CDH18: variants seen among roughly 807,000 people sequenced by gnomAD.
CDH18 encodes the protein cadherin 18.
A neutral mutation model predicts 67.9 loss-of-function variants in CDH18; 31 were observed. That is an observed-to-expected ratio of 0.46 (90% CI 0.34 to 0.62). CDH18 has a LOEUF of 0.62. Among genes scored for constraint, CDH18 ranks in the 20% least tolerant of loss-of-function variants. CDH18 has a pLI of 0.01. For synonymous variants in CDH18, 362 were observed against 347.2 expected (o/e 1.04, Z -0.48); for missense variants, 890 against 975.5 (o/e 0.91, Z 1.17).
At chr5:19,988,547 T>G (rs1399189944), upstream of CDH18, among the ~76,000 whole-genome samples, 1 of 152,112 alleles carries the variant, frequency 6.6e-6, no homozygotes, top group African/African-American at 2.4e-5. Flanking sequence ...CCAGATTTCT[T>G]GAAAAATGAC....
chr5:19,882,653 G>T (rs1420447580), intron 2 of CDH18, among the ~76,000 whole-genome samples: 2 of 152,050 alleles, frequency 1.3e-5, no homozygotes, highest in Admixed American at 1.3e-4. Context: ...TGCAGTGAAG[G>T]CATGGCATCA....
chr5:19,994,855 T>TATAGAGAGAGAGAGAGAGAG lies in CDH18; in HGVS notation c.-517-2842_-517-2841insCTCTCTCTCTCTCTCTCTAT, dbSNP rs760777430. 7.0e-4 allele frequency among the ~76,000 whole-genome samples: 47 copies of TATAGAGAGAGAGAGAGAGAG among 67,584 alleles called. 7 individuals are homozygous for TATAGAGAGAGAGAGAGAGAG. The highest frequency in any genetic ancestry group is 3.1e-3 in the African/African-American group (42 of 13,598). The allele number at this position is 67,584 out of a possible 152,430, so 44.3% of individuals were successfully genotyped here. ...ATATATATATATATATATATATATA[T>TATAGAGAGAGAGAGAGAGAG]AGAGAGAGAGAGAGAGAGAGAGATG... On this transcript the variant is annotated intron_variant, in intron 2 of 14. Coordinates refer to the CDH18 transcript ENST00000507958.
chr5:20,238,889 T>C (rs563104195), intron 2 of CDH18, among the ~76,000 whole-genome samples: 1 of 152,282 alleles, frequency 6.6e-6, no homozygotes, highest in East Asian at 1.9e-4. Flanking sequence ...TATTTCCATA[T>C]AAAGGCTAGT....
chr5:20,464,006 G>A (rs934114106), intron 1 of CDH18, among the ~76,000 whole-genome samples: 1 of 152,074 alleles, frequency 6.6e-6, no homozygotes, highest in Non-Finnish European at 1.5e-5. Flanking sequence ...CAAAAACCAT[G>A]CCTTTATCTC....
At chr5:19,889,854 A>G (rs961219597) in intron 2 of CDH18, among the ~76,000 whole-genome samples, 9 of 152,172 alleles carry the variant, frequency 5.9e-5, no homozygotes, top group African/African-American at 1.9e-4. Context: ...TTGTGTCCAA[A>G]ATGCTGTTTG....
At chr5:20,436,997 C>G (rs948322206) in intron 1 of CDH18, among the ~76,000 whole-genome samples, 5 of 150,854 alleles carry the variant, frequency 3.3e-5, no homozygotes, top group African/African-American at 1.2e-4. Flanking sequence ...ATGACAAAAC[C>G]AAAAAATGTA....
intron 2 of CDH18, among the ~76,000 whole-genome samples, chr5:19,867,040 G>C (rs916665232): frequency 6.6e-5 from 10 of 152,114 alleles, no homozygotes; most frequent in Non-Finnish European, 1.3e-4. Flanking sequence ...AGTGAGCTGA[G>C]ATTGCGCCAC....
At chr5:19,679,650 T>C (rs1759992149) in intron 5 of CDH18, among the ~76,000 whole-genome samples, 1 of 151,856 alleles carries the variant, frequency 6.6e-6, no homozygotes, top group South Asian at 2.1e-4. Context: ...ATCAATTATG[T>C]TGAAGCTGAG....
At chr5:20,569,686 A>C (rs1758701231) in intron 1 of CDH18, among the ~76,000 whole-genome samples, 2 of 152,166 alleles carry the variant, frequency 1.3e-5, no homozygotes, top group Non-Finnish European at 2.9e-5. Flanking sequence ...TATTTACCCA[A>C]ATGAGTTGAA....
intron 5 of CDH18, among the ~76,000 whole-genome samples, chr5:19,698,937 TG>T (rs770345756): frequency 1.1e-4 from 17 of 152,126 alleles, no homozygotes; most frequent in Non-Finnish European, 2.9e-5. Flanking sequence ...AGGATGTTTG[TG>T]GCAGTCTGTT....
intron 2 of CDH18, among the ~76,000 whole-genome samples, chr5:19,863,677 TTGCCCC>T (rs3065072): frequency 0.029 from 4,488 of 152,222 alleles, 234 homozygotes; most frequent in African/African-American, 0.1. Context: ...AACCTGGTTA[TTGCCCC>T]TGGCAGCAGG....
At chr5:19,658,124 C>T (rs1756646337) in intron 5 of CDH18, among the ~76,000 whole-genome samples, 1 of 96,406 alleles carries the variant, frequency 1.0e-5, no homozygotes, top group African/African-American at 2.6e-5. Context: ...AAAGTTATCT[C>T]TTTATTATTG....
intron 3 of CDH18, among the ~76,000 whole-genome samples, chr5:19,828,842 GC>G (rs1413050486): frequency 1.3e-5 from 2 of 152,008 alleles, no homozygotes; most frequent in Admixed American, 1.3e-4. Flanking sequence ...TTCGAGACCA[GC>G]CCTGGCCAAC....
At chr5:20,507,817 G>C (rs1016461144) in intron 1 of CDH18, among the ~76,000 whole-genome samples, 1 of 152,158 alleles carries the variant, frequency 6.6e-6, no homozygotes, top group South Asian at 2.1e-4. Flanking sequence ...AGGGCATTTT[G>C]AGCATACACG....
chr5:19,979,118 G>T (rs1371989376), intron 2 of CDH18, among the ~76,000 whole-genome samples: 1 of 151,936 alleles, frequency 6.6e-6, no homozygotes. Flanking sequence ...AGTGAAGCTT[G>T]GTTGATAAAG....
intron 1 of CDH18, among the ~76,000 whole-genome samples, chr5:20,280,136 ATTTCT>A (rs990164123): frequency 1.3e-5 from 2 of 152,008 alleles, no homozygotes; most frequent in South Asian, 2.1e-4. Context: ...TATGTATGAC[ATTTCT>A]TTTCTTTTTA....
chr5:20,275,361 A>C (rs551838014), intron 1 of CDH18, among the ~76,000 whole-genome samples: 1 of 152,174 alleles, frequency 6.6e-6, no homozygotes, highest in Admixed American at 6.5e-5. Context: ...GAAGAAGGTC[A>C]TTGCTTTCCC....
intron 10 of CDH18, 89 bp from the exon 11 acceptor site, chr5:19,503,198 T>A: frequency 1.5e-6 from 1 of 668,944 alleles, no homozygotes; most frequent in Non-Finnish European, 2.6e-6. Flanking sequence ...TTTAAAAATA[T>A]TTTTAAAGGA....
intron 1 of CDH18, among the ~76,000 whole-genome samples, chr5:20,529,544 A>G (rs935403393): frequency 1.3e-5 from 2 of 152,058 alleles, no homozygotes; most frequent in African/African-American, 4.8e-5. Context: ...ATCCACCACA[A>G]TCAAGTTGGC....
Sources: gnomAD v4.1 joint callset for allele counts (sites outside exome capture counted in the v4.1 genomes callset) on GRCh38, gnomAD v4.1.1 for gene constraint, MANE v1.5 for transcripts, NCBI Gene and HGNC (gene_info 2026-07-23, HGNC 2026-07-21) for gene names.